PLAC1: variants seen among roughly 807,000 people sequenced by gnomAD.
The protein encoded by PLAC1 is placenta-specific protein 1.
For missense variants in PLAC1, 136 were observed against 163.2 expected, an observed-to-expected ratio of 0.83 and a Z score of 0.91; for synonymous variants, 68 against 62.1, an observed-to-expected ratio of 1.09 and a Z score of -0.44.
At chrX:134,691,818 T>C (rs754081141) in intron 2 of PLAC1, among the ~76,000 whole-genome samples, 17 of 111,418 alleles carry the variant, frequency 1.5e-4, no homozygotes, top group Non-Finnish European at 3.0e-4. Context: ...TTTTGAGCCA[T>C]GGAAACAGTT....
intron 1 of PLAC1, among the ~76,000 whole-genome samples, chrX:134,633,079 T>C (rs762358938): frequency 1.8e-5 from 2 of 112,089 alleles, no homozygotes; most frequent in African/African-American, 6.5e-5. Context: ...ACACCATGCC[T>C]GGTTCACCCT....
rs753244717 is a variant in PLAC1, at chrX:134,607,362, C to T, written c.-130-5240G>A. The T allele has an allele frequency of 2.1e-5, 3 of 139,734 alleles. No homozygotes were observed. In the South Asian group the frequency reaches 6.2e-4, roughly 29 times the overall value. The allele number at this position is 139,734 out of a possible 1,213,427, so 11.5% of individuals were successfully genotyped here. On this transcript the variant is annotated intron_variant, in intron 1 of 2. Transcript: ENST00000359237. ...AGAGCCTACATTGTTACCCAGTGTG[C>T]TGTTGGCATTATTTTAAAAACACAA...
chrX:134,758,222 T>C (rs1208474358), intron 1 of PLAC1, among the ~76,000 whole-genome samples: 2 of 110,461 alleles, frequency 1.8e-5, no homozygotes, highest in Non-Finnish European at 3.8e-5. Context: ...AATGACCACA[T>C]TGCCCAAAGC....
chrX:134,594,904 C>A (rs1370882666), intron 2 of PLAC1, among the ~76,000 whole-genome samples: 1 of 105,570 alleles, frequency 9.5e-6, no homozygotes, highest in Non-Finnish European at 1.9e-5. Flanking sequence ...TTCTGCTTGC[C>A]TTATGTTTAT....
chrX:134,639,995 G>T (rs775318827), intron 1 of PLAC1, among the ~76,000 whole-genome samples: 2 of 111,817 alleles, frequency 1.8e-5, no homozygotes, highest in South Asian at 7.5e-4. Flanking sequence ...TGCTTGGGTT[G>T]TTTTCACCTT....
chrX:134,577,517 C>G (rs1017920235), intron 2 of PLAC1, among the ~76,000 whole-genome samples: 4 of 111,438 alleles, frequency 3.6e-5, no homozygotes, highest in East Asian at 2.8e-4. Context: ...GGTGAAGCCC[C>G]GTCTCCACTA....
At chrX:134,684,411 TAAAAAAA>T (rs10606569) in intron 2 of PLAC1, among the ~76,000 whole-genome samples, 36 of 80,952 alleles carry the variant, frequency 4.4e-4, no homozygotes, top group Non-Finnish European at 4.0e-4. Flanking sequence ...GCTCTGCCAC[TAAAAAAA>T]AAAAAAAAAA....
At chrX:134,735,742 GT>G in intron 1 of PLAC1, among the ~76,000 whole-genome samples, 1 of 110,365 alleles carries the variant, frequency 9.1e-6, no homozygotes, top group African/African-American at 3.3e-5. Flanking sequence ...ATCTCAACTG[GT>G]ACAACTCCTC....
At chrX:134,614,975 C>A (rs1197584978) in intron 1 of PLAC1, among the ~76,000 whole-genome samples, 1 of 111,562 alleles carries the variant, frequency 9.0e-6, no homozygotes, top group Middle Eastern at 4.2e-3. Context: ...ATCCATGCAT[C>A]CATCCATGGA....
chrX:134,604,212 C>T (rs2078111558), intron 1 of PLAC1, among the ~76,000 whole-genome samples: 1 of 112,635 alleles, frequency 8.9e-6, no homozygotes, highest in African/African-American at 3.2e-5. Flanking sequence ...GGAGATGAGT[C>T]AGAATTTTGG....
Position 134,610,123 on chromosome X carries a change from G to A in PLAC1, c.-130-8001C>T, listed in dbSNP as rs765293798. Among the ~76,000 whole-genome samples, 62 of 111,012 alleles carry A rather than the reference G, an allele frequency of 5.6e-4. 1 individual carries two copies. The highest frequency in any genetic ancestry group is 1.1e-3 in the East Asian group (4 of 3,531). On this transcript the variant is annotated intron_variant, in intron 1 of 2. Transcript: ENST00000359237. Reference sequence around the variant, plus strand: ...CTCCTGAGTAGCTGGGATTACAGGCGTGCGCCACCACACCCGGATAATTTT... The same window carrying A: ...CTCCTGAGTAGCTGGGATTACAGGCATGCGCCACCACACCCGGATAATTTT...
intron 2 of PLAC1, among the ~76,000 whole-genome samples, chrX:134,717,929 G>T (rs2078647936): frequency 8.9e-6 from 1 of 111,786 alleles, no homozygotes; most frequent in African/African-American, 3.3e-5. Context: ...AACCCTATTT[G>T]AACTTCAAAG....
chrX:134,607,674 A>G (rs1260381286), intron 1 of PLAC1: 1 of 112,999 alleles, frequency 8.8e-6, no homozygotes, highest in African/African-American at 3.3e-5. Context: ...TCTGGACTGT[A>G]ACAAAACATA....
chrX:134,711,219 C>G (rs2078627140), intron 2 of PLAC1, among the ~76,000 whole-genome samples: 1 of 111,652 alleles, frequency 9.0e-6, no homozygotes, highest in African/African-American at 3.3e-5. Flanking sequence ...TTGGACAGCT[C>G]GGAGAAAGGG....
chrX:134,625,198 T>G (rs2078230286), intron 1 of PLAC1, among the ~76,000 whole-genome samples: 1 of 112,012 alleles, frequency 8.9e-6, no homozygotes, highest in Non-Finnish European at 1.9e-5. Context: ...AGGTTGCAGC[T>G]GGGCTCCAGG....
chrX:134,739,625 C>A (rs1162647054), intron 1 of PLAC1, among the ~76,000 whole-genome samples: 1 of 112,710 alleles, frequency 8.9e-6, no homozygotes, highest in Non-Finnish European at 1.9e-5. Flanking sequence ...CTGACAAAGA[C>A]AATGCAGCAT....
At chrX:134,755,262 T>C (rs1448238376) in intron 1 of PLAC1, among the ~76,000 whole-genome samples, 1 of 112,420 alleles carries the variant, frequency 8.9e-6, no homozygotes, top group African/African-American at 3.2e-5. Flanking sequence ...GCCTCCACGT[T>C]ACTCATTCAT....
rs1459251609 is a variant in PLAC1, at chrX:134,566,497, G to T, written c.186C>A (p.Pro62=). The T allele has an allele frequency of 8.3e-7, 1 of 1,210,168 alleles. No individual in the cohort carries two copies. Among genetic ancestry groups the T allele is most frequent in the Non-Finnish European group, 1.1e-6 (1 of 895,103 alleles). ...FHELHLGLGC[P]PNHVQPHAYQ... is the part of the protein sequence containing the mutation. ...AGGCGTGTGGCTGAACATGGTTTGG[G>T]GGGCAACCCAGGCCCAAGTGTAGTT... The change falls in exon 3 of 3, where the codon CCC becomes CCA. Residue 62 remains proline, a synonymous_variant. Coordinates refer to ENST00000359237, the MANE Select transcript of PLAC1 (RefSeq NM_021796.4).
chrX:134,744,816 C>T (rs997402828), intron 1 of PLAC1, among the ~76,000 whole-genome samples: 11 of 111,502 alleles, frequency 9.9e-5, no homozygotes, highest in Admixed American at 9.5e-4. Flanking sequence ...TCCTAGGTAC[C>T]TTGATACTGG....
Sources: gnomAD v4.1 joint callset for allele counts (sites outside exome capture counted in the v4.1 genomes callset) on GRCh38, gnomAD v4.1.1 for gene constraint, MANE v1.5 for transcripts, NCBI Gene and HGNC (gene_info 2026-07-23, HGNC 2026-07-21) for gene names.